The following ANKHD1 variants were observed in gnomAD, a reference collection of about 807,000 sequenced individuals.
The protein encoded by ANKHD1 is ankyrin repeat and KH domain containing 1.
ANKHD1 carries 31 observed loss-of-function variants against 230.5 expected under a neutral mutation model. The observed-to-expected ratio is 0.13, with a 90% CI of 0.10 to 0.18. The LOEUF (loss-of-function observed/expected upper bound fraction) is 0.18. Among genes scored for constraint, ANKHD1 ranks in the 10% least tolerant of loss-of-function variants. The pLI is 1.00. For missense variants in ANKHD1, 2,256 were observed against 3,071.3 expected, an observed-to-expected ratio of 0.73 and a Z score of 6.27; for synonymous variants, 1,074 against 1,117.6, an observed-to-expected ratio of 0.96 and a Z score of 0.78.
chr5:140,472,640 T>C (rs1049573530), intron 10 of ANKHD1, among the ~76,000 whole-genome samples: 2 of 152,202 alleles, frequency 1.3e-5, no homozygotes, highest in Non-Finnish European at 1.5e-5. Context: ...CATTCAACTT[T>C]GTTCATCAAA....
At chr5:140,510,335 C>T (rs1459925550) in intron 22 of ANKHD1, among the ~76,000 whole-genome samples, 154 bp downstream of exon 22, 10 of 98,426 alleles carry the variant, frequency 1.0e-4, no homozygotes, top group Admixed American at 4.6e-4. Flanking sequence ...TTTTTTGAGA[C>T]GGAGTCTTAC....
chr5:140,454,331 G>A (rs1423575874), intron 7 of ANKHD1, among the ~76,000 whole-genome samples: 2 of 152,096 alleles, frequency 1.3e-5, no homozygotes, highest in Non-Finnish European at 2.9e-5. Flanking sequence ...GGGATATCCA[G>A]GAATTGAACT....
At chr5:140,422,755 A>G (rs1215947156) in intron 1 of ANKHD1, among the ~76,000 whole-genome samples, 1 of 151,214 alleles carries the variant, frequency 6.6e-6, no homozygotes, top group Non-Finnish European at 1.5e-5. Context: ...GGTTGCAGTG[A>G]GCCAAGATTG....
intron 1 of ANKHD1, among the ~76,000 whole-genome samples, chr5:140,425,195 A>G (rs1772304441): frequency 6.6e-6 from 1 of 152,206 alleles, no homozygotes; most frequent in Non-Finnish European, 1.5e-5. Flanking sequence ...GAAAAGCATG[A>G]TGGTTCTTTT....
chr5:140,531,662 T>C (rs957208954), intron 29 of ANKHD1, among the ~76,000 whole-genome samples: 10 of 152,076 alleles, frequency 6.6e-5, no homozygotes, highest in African/African-American at 2.4e-4. Context: ...GGTAGGAATG[T>C]AAAATGGTAC....
At position 140,449,278 on chromosome 5, in the gene ANKHD1, G is replaced by A. The variant is rs1273794729; in HGVS notation, c.1215G>A (p.Met405Ile). 6.2e-7 allele frequency: 1 copy of A among 1,613,288 alleles called. No individual in the cohort carries two copies. Among genetic ancestry groups the A allele is most frequent in the Non-Finnish European group, 8.5e-7 (1 of 1,179,532 alleles). Residue 405 changes from methionine to isoleucine, a missense_variant, in exon 7 of 34, where the codon ATG becomes ATA. Met to Ile is a conservative substitution (Grantham distance 10, BLOSUM62 1). Around this residue, in one of 13 missense-constraint regions of ANKHD1, gnomAD observed 9 missense variants for 38.9 expected, o/e 0.23. Transcript: ENST00000360839. Reference protein sequence around the residue: ...GADQEHKTDEMHTALMEACMD... With the variant: ...GADQEHKTDEIHTALMEACMD... Reference sequence around the variant, plus strand: ...ATCAAGAGCACAAAACAGATGAGATGCACACTGCCTTAATGGAGGCCTGCA... The same window carrying A: ...ATCAAGAGCACAAAACAGATGAGATACACACTGCCTTAATGGAGGCCTGCA...
intron 9 of ANKHD1, among the ~76,000 whole-genome samples, chr5:140,462,923 G>C (rs891035692): frequency 2.0e-5 from 3 of 151,994 alleles, no homozygotes; most frequent in African/African-American, 7.2e-5. Context: ...GTGGCTCACT[G>C]CAACTTTGAA....
chr5:140,413,039 T>G (rs1288191258), intron 1 of ANKHD1, among the ~76,000 whole-genome samples: 1 of 152,224 alleles, frequency 6.6e-6, no homozygotes, highest in East Asian at 1.9e-4. Flanking sequence ...TGTATGCTAG[T>G]GATTGATTCA....
chr5:140,526,852 G>T, intron 26 of ANKHD1, 76 bp from the exon 27 acceptor site: 1 of 1,483,998 alleles, frequency 6.7e-7, no homozygotes, highest in Non-Finnish European at 8.9e-7. Flanking sequence ...CGTAACTCTG[G>T]CTATAAAGGA....
chr5:140,434,662 A>G (rs1773307768), intron 1 of ANKHD1, among the ~76,000 whole-genome samples: 1 of 151,812 alleles, frequency 6.6e-6, no homozygotes, highest in Non-Finnish European at 1.5e-5. Flanking sequence ...CATGCCATTA[A>G]ATATGCTTCA....
At chr5:140,403,766 G>A (rs1007255596) in intron 1 of ANKHD1, among the ~76,000 whole-genome samples, 2 of 152,088 alleles carry the variant, frequency 1.3e-5, no homozygotes, top group South Asian at 2.1e-4. Flanking sequence ...GTTCTGAGGT[G>A]CCTGAGTTGT....
Position 140,496,461 on chromosome 5 carries a change from C to CTTTT in ANKHD1, c.2246-41_2246-38dup, listed in dbSNP as rs770445733. 3.4e-4 allele frequency: 175 copies of CTTTT among 512,912 alleles called. 1 individual carries two copies. The highest frequency in any genetic ancestry group is 1.6e-3 in the African/African-American group (49 of 29,958). 31.8% of individuals were successfully genotyped at this position (512,912 alleles called of 1,614,324 possible). A position where few individuals can be genotyped will look rare whatever the true frequency, so the allele number is the denominator to read the frequency against. On this transcript the variant is annotated intron_variant, in intron 14 of 33. Coordinates refer to ENST00000360839, the MANE Select transcript of ANKHD1 (RefSeq NM_017747.3). Reference sequence around the variant, plus strand: ...TGGTTTTCTTTTTTTTTTTTCTTTTCTTTTTTTTTTTTTTTTTTTTTAGCA... The same window carrying CTTTT: ...TGGTTTTCTTTTTTTTTTTTCTTTTCTTTTTTTTTTTTTTTTTTTTTTTTTAGCA...
chr5:140,458,870 A>G lies in ANKHD1; in HGVS notation c.1480+8A>G, dbSNP rs753240242. 6.3e-7 allele frequency: 1 copy of G among 1,587,682 alleles called. No individual in the cohort carries two copies. Among genetic ancestry groups the G allele is most frequent in the South Asian group, 1.1e-5 (1 of 87,752 alleles). Reference sequence around the variant, plus strand: ...CACTACTCTTAGCACAAGGTAAAGCAGTTTTACTTCTTTTAGAAAAATCAG... The same window carrying G: ...CACTACTCTTAGCACAAGGTAAAGCGGTTTTACTTCTTTTAGAAAAATCAG... On this transcript the variant is annotated splice_region_variant and intron_variant, in intron 8 of 33. Coordinates refer to ENST00000360839, the MANE Select transcript of ANKHD1 (RefSeq NM_017747.3).
At chr5:140,440,893 C>A (rs1041854871) in intron 4 of ANKHD1, 102 bp from the exon 5 acceptor site, 36 of 1,309,734 alleles carry the variant, frequency 2.7e-5, no homozygotes, top group Non-Finnish European at 3.1e-5. Context: ...TTTTTCCCAC[C>A]CCTATTCTAG....
At chr5:140,480,338 TTCTTG>T (rs1466996285) in intron 10 of ANKHD1, among the ~76,000 whole-genome samples, 1 of 152,240 alleles carries the variant, frequency 6.6e-6, no homozygotes, top group East Asian at 1.9e-4. Context: ...ACTTTCTGAT[TTCTTG>T]TCTTTTAACA....
rs1366507017 is a variant in ANKHD1 at position 140,441,011 on chromosome 5, A to G, written c.782A>G (p.His261Arg). ...YELAQVLLAM[H>R]ANVEDRGNKG... is the part of the protein sequence containing the mutation. ...GTTTTAAAGGTATTGCTTGCTATGC[A>G]TGCTAATGTTGAAGATCGAGGGAAT... Residue 261 changes from histidine to arginine, a missense_variant, in exon 5 of 34, where the codon CAT (histidine) becomes CGT (arginine). His to Arg is a conservative substitution (Grantham distance 29). Transcript: ENST00000360839. The G allele has an allele frequency of 7.5e-6, 12 of 1,606,536 alleles. No individual in the cohort carries two copies. The highest frequency in any genetic ancestry group is 1.0e-5 in the Non-Finnish European group (12 of 1,177,634).
chr5:140,484,132 C>A (rs1012506561), intron 11 of ANKHD1, among the ~76,000 whole-genome samples: 1 of 152,098 alleles, frequency 6.6e-6, no homozygotes, highest in Non-Finnish European at 1.5e-5. Context: ...TACTTTTATG[C>A]AAGTTAGGAT....
intron 1 of ANKHD1, among the ~76,000 whole-genome samples, chr5:140,410,379 G>A (rs1243805043): frequency 1.3e-5 from 2 of 152,114 alleles, no homozygotes; most frequent in Non-Finnish European, 2.9e-5. Context: ...GAGTCTATTT[G>A]TTAGTAGAGT....
At chr5:140,455,436 C>T (rs1317432211) in intron 7 of ANKHD1, among the ~76,000 whole-genome samples, 2 of 152,110 alleles carry the variant, frequency 1.3e-5, no homozygotes, top group Non-Finnish European at 2.9e-5. Context: ...GACCAATATC[C>T]CTGATGAACA....
Sources: gnomAD v4.1 joint callset for allele counts (sites outside exome capture counted in the v4.1 genomes callset) on GRCh38, gnomAD v4.1.1 for gene constraint, gnomAD v4.1.1 regional missense constraint, MANE v1.5 for transcripts, NCBI Gene and HGNC (gene_info 2026-07-23, HGNC 2026-07-21) for gene names.